The following SRD5A2 variants were observed in gnomAD, a reference collection of about 807,000 sequenced individuals.
SRD5A2 encodes steroid 5 alpha-reductase 2.
Under a neutral mutation model 27.4 loss-of-function variants are expected in SRD5A2, and 30 were observed. That is an observed-to-expected ratio of 1.10 (90% CI 0.82 to 1.49). SRD5A2 has a LOEUF of 1.49. Ranked by LOEUF, SRD5A2 falls within the 40% of genes most tolerant of loss-of-function variation. SRD5A2 has a pLI of 0.00. For missense variants in SRD5A2, 348 were observed against 323.4 expected (o/e 1.08, Z -0.58); for synonymous variants, 141 against 133.6 (o/e 1.06, Z -0.38).
In SRD5A2 at chr2:31,533,598, C is replaced by T; in HGVS notation, c.445+5G>A. On this transcript the variant is annotated splice_donor_5th_base_variant and intron_variant, in intron 2 of 4. Transcript: ENST00000622030. ...AGTAGGTGAGAAGTGGGCAGATTCA[C>T]TTACCCAAGCTAAACCGTATGTCTG... 6.4e-7 allele frequency: 1 copy of T among 1,551,258 alleles called. No individual in the cohort carries two copies. Among genetic ancestry groups the T allele is most frequent in the Non-Finnish European group, 8.7e-7 (1 of 1,146,774 alleles).
chr2:31,542,042 GT>G (rs1428143602), intron 1 of SRD5A2, among the ~76,000 whole-genome samples: 1 of 152,216 alleles, frequency 6.6e-6, no homozygotes, highest in East Asian at 1.9e-4. Flanking sequence ...GCAAGTCCTA[GT>G]GCTGTGCTGG....
the SRD5A2 span, among the ~76,000 whole-genome samples, chr2:31,659,933 TTA>T: frequency 1.5e-4 from 23 of 152,234 alleles, no homozygotes; most frequent in African/African-American, 5.3e-4. Flanking sequence ...ATTTTTCCCT[TTA>T]TGTTTCATTT....
At chr2:31,543,400 G>T (rs1278629305) in intron 1 of SRD5A2, among the ~76,000 whole-genome samples, 2 of 152,028 alleles carry the variant, frequency 1.3e-5, no homozygotes, top group African/African-American at 2.4e-5. Context: ...CATTGTAAAA[G>T]GTGGTATTAT....
chr2:31,594,015 C>T, the SRD5A2 span, among the ~76,000 whole-genome samples: 1 of 152,112 alleles, frequency 6.6e-6, no homozygotes, highest in Non-Finnish European at 1.5e-5. Flanking sequence ...ACTACCAAGC[C>T]AGCACAGCAC....
upstream of SRD5A2, chr2:31,580,970 G>C (rs897711646): frequency 6.7e-7 from 1 of 1,495,086 alleles, no homozygotes; most frequent in East Asian, 2.4e-5. Context: ...CCCCTTTATG[G>C]AGCGCCAGAC....
chr2:31,661,763 C>G, the SRD5A2 span, among the ~76,000 whole-genome samples: 1 of 151,940 alleles, frequency 6.6e-6, no homozygotes, highest in Non-Finnish European at 1.5e-5. Flanking sequence ...ACTATTTTTT[C>G]CTCATTCTCC....
intron 2 of SRD5A2, among the ~76,000 whole-genome samples, 180 bp from the exon 3 acceptor site, chr2:31,531,652 G>C (rs924787862): frequency 6.6e-6 from 1 of 151,198 alleles, no homozygotes; most frequent in Non-Finnish European, 1.5e-5. Context: ...GGGAGCACTG[G>C]GTGTGCTGTT....
rs1057519061 is a variant in SRD5A2 at position 31,529,466 on chromosome 2, A to G, written c.548-9T>C. The stretch of plus-strand genomic sequence containing the variant: ...ATACGTAAACAAGCCACCTGCGTGC[A>G]GAAGAATCGGAAGGTCAATCATTGC... On this transcript the variant is annotated splice_polypyrimidine_tract_variant and intron_variant, in intron 3 of 4. Transcript: ENST00000622030. 2 of 1,610,966 alleles carry G rather than the reference A, an allele frequency of 1.2e-6. No individual in the cohort carries two copies. The highest frequency in any genetic ancestry group is 8.5e-7 in the Non-Finnish European group (1 of 1,178,162).
chr2:31,657,447 G>A, the SRD5A2 span, among the ~76,000 whole-genome samples: 3 of 152,140 alleles, frequency 2.0e-5, no homozygotes, highest in African/African-American at 4.8e-5. Flanking sequence ...GTGGAGTGCA[G>A]TGGCACAATC....
chr2:31,659,405 TG>T, the SRD5A2 span, among the ~76,000 whole-genome samples: 1 of 152,012 alleles, frequency 6.6e-6, no homozygotes, highest in Non-Finnish European at 1.5e-5. Flanking sequence ...CCTATTTGCA[TG>T]CAATATGATT....
At chr2:31,586,536 G>C in the SRD5A2 span, among the ~76,000 whole-genome samples, 1 of 150,812 alleles carries the variant, frequency 6.6e-6, no homozygotes, top group African/African-American at 2.4e-5. Flanking sequence ...CCTAGCTTCA[G>C]GTGTCTCAGA....
At chr2:31,543,851 A>G (rs553664376) in intron 1 of SRD5A2, among the ~76,000 whole-genome samples, 1 of 152,206 alleles carries the variant, frequency 6.6e-6, no homozygotes, top group East Asian at 1.9e-4. Context: ...CTTTTCAGTA[A>G]TAGCATACAT....
intron 1 of SRD5A2, among the ~76,000 whole-genome samples, chr2:31,571,249 T>C (rs531277708): frequency 6.6e-6 from 1 of 152,032 alleles, no homozygotes; most frequent in South Asian, 2.1e-4. Flanking sequence ...TTTAATACAG[T>C]TGACAAAAGC....
the SRD5A2 span, among the ~76,000 whole-genome samples, chr2:31,616,379 T>G: frequency 6.6e-6 from 1 of 151,906 alleles, no homozygotes; most frequent in Admixed American, 6.6e-5. Context: ...GGAAAAGCAA[T>G]AGACACTCAA....
the SRD5A2 span, among the ~76,000 whole-genome samples, chr2:31,639,440 T>C: frequency 2.0e-5 from 3 of 152,126 alleles, no homozygotes; most frequent in African/African-American, 7.2e-5. Context: ...GTGGGCTTTA[T>C]ACCTTGAAAA....
At chr2:31,658,824 A>G in the SRD5A2 span, among the ~76,000 whole-genome samples, 1 of 152,160 alleles carries the variant, frequency 6.6e-6, no homozygotes, top group African/African-American at 2.4e-5. Flanking sequence ...AACTGAAACT[A>G]TTCCAAAAAA....
intron 2 of SRD5A2, 79 bp from the exon 3 acceptor site, chr2:31,531,551 A>C (rs1002561666): frequency 1.1e-5 from 11 of 963,000 alleles, no homozygotes; most frequent in Non-Finnish European, 1.7e-5. Context: ...ACTAAGCTAA[A>C]ATGAAAGGAG....
intron 1 of SRD5A2, among the ~76,000 whole-genome samples, chr2:31,574,166 G>A (rs974103633): frequency 1.1e-4 from 16 of 152,302 alleles, no homozygotes; most frequent in African/African-American, 2.4e-4. Context: ...TCAGACTGAC[G>A]TTGCTGCCAC....
the SRD5A2 span, among the ~76,000 whole-genome samples, chr2:31,588,504 C>A: frequency 1.3e-5 from 2 of 151,996 alleles, no homozygotes; most frequent in Non-Finnish European, 2.9e-5. Flanking sequence ...AAATCTTTTA[C>A]CTTAGAATAA....
Sources: gnomAD v4.1 joint callset for allele counts (sites outside exome capture counted in the v4.1 genomes callset) on GRCh38, gnomAD v4.1.1 for gene constraint, MANE v1.5 for transcripts, NCBI Gene and HGNC (gene_info 2026-07-23, HGNC 2026-07-21) for gene names.